Variants in PTPRD observed in about 807,000 individuals in gnomAD.
PTPRD encodes the protein protein tyrosine phosphatase receptor type D, also known as receptor-type tyrosine-protein phosphatase delta.
Under a neutral mutation model 214.5 loss-of-function variants are expected in PTPRD, and 34 were observed. That is an observed-to-expected ratio of 0.16 (90% CI 0.12 to 0.21). The LOEUF (loss-of-function observed/expected upper bound fraction) is 0.21, where lower values mean the gene tolerates loss of function less well. Among genes scored for constraint, PTPRD ranks in the 10% least tolerant of loss-of-function variants. PTPRD has a pLI of 1.00. For synonymous variants in PTPRD, 1,128 were observed against 845.7 expected (o/e 1.33, Z -5.79); for missense variants, 2,545 against 2,398.7 (o/e 1.06, Z -1.27).
intron 12 of PTPRD, among the ~76,000 whole-genome samples, chr9:8,723,169 C>T (rs2098520137): frequency 6.6e-6 from 1 of 152,086 alleles, no homozygotes; most frequent in Non-Finnish European, 1.5e-5. Context: ...TTATTTTGTC[C>T]TTTGAACACA....
At chr9:9,160,247 AAG>A (rs2099885369) in intron 10 of PTPRD, among the ~76,000 whole-genome samples, 1 of 152,182 alleles carries the variant, frequency 6.6e-6, no homozygotes, top group Admixed American at 6.5e-5. Flanking sequence ...TAACAAAGTG[AAG>A]AGACAGCTCA....
intron 4 of PTPRD, among the ~76,000 whole-genome samples, chr9:9,949,697 A>G (rs887785865): frequency 6.6e-6 from 1 of 151,802 alleles, no homozygotes; most frequent in African/African-American, 2.4e-5. Context: ...CAAACAAACT[A>G]ACAACAACAA....
intron 5 of PTPRD, among the ~76,000 whole-genome samples, chr9:9,830,607 TCTC>T (rs758944280): frequency 6.6e-6 from 1 of 151,924 alleles, no homozygotes; most frequent in African/African-American, 2.4e-5. Flanking sequence ...AGCTTCCTCT[TCTC>T]ATGTACTGCA....
chr9:9,959,921 T>C (rs1049244332), intron 4 of PTPRD, among the ~76,000 whole-genome samples: 2 of 152,142 alleles, frequency 1.3e-5, no homozygotes, highest in Non-Finnish European at 2.9e-5. Context: ...AGAGATATTT[T>C]AGAGAGATAT....
At chr9:9,600,833 T>A (rs1374322232) in intron 7 of PTPRD, among the ~76,000 whole-genome samples, 2 of 152,138 alleles carry the variant, frequency 1.3e-5, no homozygotes, top group African/African-American at 4.8e-5. Context: ...GGCTTCTAAA[T>A]AGTTGCTGTG....
At position 10,113,598 on chromosome 9, in the gene PTPRD, C is replaced by T. The variant is rs186977273; in HGVS notation, c.-544-79808G>A. The stretch of plus-strand genomic sequence containing the variant: ...TACAGATTCCAGACACCTCTCCAGA[C>T]CTAGAGAAACAATCTCCAGCGAGAG... On this transcript the variant is annotated intron_variant, in intron 3 of 45. Transcript: ENST00000381196. 8.5e-4 allele frequency among the ~76,000 whole-genome samples: 129 copies of T among 152,252 alleles called. 1 individual carries two copies. The highest frequency in any genetic ancestry group is 2.7e-3 in the African/African-American group (112 of 41,550).
chr9:10,598,593 A>G (rs1441815774), intron 2 of PTPRD, among the ~76,000 whole-genome samples: 7 of 151,708 alleles, frequency 4.6e-5, no homozygotes, highest in Non-Finnish European at 7.4e-5. Flanking sequence ...GAAATTTGCC[A>G]TAAGAATTTG....
chr9:10,138,691 A>C (rs1025044620), intron 3 of PTPRD, among the ~76,000 whole-genome samples: 10 of 152,176 alleles, frequency 6.6e-5, no homozygotes, highest in Non-Finnish European at 1.3e-4. Flanking sequence ...CACATCAAAA[A>C]GTTAGTTCAC....
intron 9 of PTPRD, among the ~76,000 whole-genome samples, chr9:9,370,377 T>A (rs2059128836): frequency 6.6e-6 from 1 of 151,988 alleles, no homozygotes; most frequent in Admixed American, 6.6e-5. Context: ...GAAGCAACTG[T>A]GAATGGGAGT....
chr9:9,707,642 T>A (rs924057670), intron 7 of PTPRD, among the ~76,000 whole-genome samples: 5 of 152,164 alleles, frequency 3.3e-5, no homozygotes, highest in Admixed American at 6.5e-5. Flanking sequence ...GTTTTGCCTA[T>A]GAATTATCCA....
At chr9:8,924,267 T>C (rs1192847142) in intron 11 of PTPRD, among the ~76,000 whole-genome samples, 4 of 152,164 alleles carry the variant, frequency 2.6e-5, no homozygotes, top group Admixed American at 2.6e-4. Context: ...GCAAAAATAT[T>C]CTTGATATTT....
intron 9 of PTPRD, among the ~76,000 whole-genome samples, chr9:9,381,080 A>G (rs563461280): frequency 5.9e-5 from 9 of 152,234 alleles, no homozygotes; most frequent in South Asian, 2.1e-4. Flanking sequence ...TGATTTTTAT[A>G]TAAATGTGGC....
At chr9:9,027,620 A>G (rs538315159) in intron 10 of PTPRD, among the ~76,000 whole-genome samples, 7 of 151,990 alleles carry the variant, frequency 4.6e-5, no homozygotes, top group African/African-American at 1.7e-4. Flanking sequence ...TTCAGGACCT[A>G]TCTATCAAGA....
At chr9:8,399,296 A>G (rs1308578170) in intron 36 of PTPRD, among the ~76,000 whole-genome samples, 1 of 152,156 alleles carries the variant, frequency 6.6e-6, no homozygotes, top group Non-Finnish European at 1.5e-5. Context: ...CCTAAACTGG[A>G]GAATGGGCTT....
chr9:10,109,396 G>A (rs1314390164), intron 3 of PTPRD, among the ~76,000 whole-genome samples: 3 of 152,144 alleles, frequency 2.0e-5, no homozygotes, highest in African/African-American at 4.8e-5. Flanking sequence ...CTGTCAAGTT[G>A]TTTGCTGTAA....
chr9:10,418,155 T>C (rs1246279068), intron 2 of PTPRD, among the ~76,000 whole-genome samples: 2 of 151,808 alleles, frequency 1.3e-5, no homozygotes, highest in African/African-American at 2.4e-5. Context: ...TAAAGAAGCA[T>C]AATGGTATAA....
At chr9:8,930,285 A>G (rs908327063) in intron 11 of PTPRD, among the ~76,000 whole-genome samples, 1 of 152,042 alleles carries the variant, frequency 6.6e-6, no homozygotes, top group African/African-American at 2.4e-5. Flanking sequence ...TACAAAGGAC[A>G]TGAACTCATC....
chr9:8,411,707 C>G (rs927268393), intron 35 of PTPRD, among the ~76,000 whole-genome samples: 9 of 152,156 alleles, frequency 5.9e-5, no homozygotes, highest in African/African-American at 2.2e-4. Context: ...GGAATAAGAT[C>G]AGCGATATGT....
At chr9:8,565,162 T>A (rs1348961624) in intron 14 of PTPRD, among the ~76,000 whole-genome samples, 2 of 151,868 alleles carry the variant, frequency 1.3e-5, no homozygotes, top group African/African-American at 4.8e-5. Context: ...TGGTTTTGAG[T>A]ATAAGAAATC....
Sources: allele counts gnomAD v4.1 joint callset (sites outside exome capture counted in the v4.1 genomes callset), GRCh38; gene constraint gnomAD v4.1.1; transcripts MANE v1.5; gene names NCBI Gene and HGNC (gene_info 2026-07-23, HGNC 2026-07-21).